Variants in PLPPR1 observed in about 807,000 individuals in gnomAD.
PLPPR1 encodes phospholipid phosphatase-related protein type 1.
A neutral mutation model predicts 33.1 loss-of-function variants in PLPPR1; 10 were observed. That is an observed-to-expected ratio of 0.30 (90% CI 0.19 to 0.51). The LOEUF is 0.51. PLPPR1 is among the 20% of genes least tolerant of loss of function. The probability of loss-of-function intolerance (pLI) is 0.97; values close to 1 mark genes in which losing one functional copy is unlikely to be tolerated. For missense variants in PLPPR1, 304 were observed against 408.1 expected (o/e 0.74, Z 2.20); for synonymous variants, 151 against 151.0 (o/e 1.00, Z 0.00).
At chr9:101,221,935 A>C (rs1826951167) in intron 2 of PLPPR1, among the ~76,000 whole-genome samples, 1 of 152,222 alleles carries the variant, frequency 6.6e-6, no homozygotes, top group African/African-American at 2.4e-5. Flanking sequence ...AAAATAGGAA[A>C]AAGAAATTCC....
At chr9:101,289,827 T>C (rs1474270813) in intron 4 of PLPPR1, among the ~76,000 whole-genome samples, 3 of 152,234 alleles carry the variant, frequency 2.0e-5, no homozygotes, top group Non-Finnish European at 4.4e-5. Context: ...TTTATTAGGG[T>C]GAATGAAAAG....
intron 1 of PLPPR1, among the ~76,000 whole-genome samples, chr9:101,180,134 A>G (rs1396453787): frequency 1.9e-5 from 1 of 51,452 alleles, no homozygotes; most frequent in Admixed American, 1.9e-4. Context: ...ATATATATAT[A>G]TATATATATA....
At chr9:101,266,001 A>C (rs1387681925) in intron 2 of PLPPR1, among the ~76,000 whole-genome samples, 6 of 152,050 alleles carry the variant, frequency 3.9e-5, no homozygotes, top group Non-Finnish European at 8.8e-5. Context: ...GCCTCAAAAA[A>C]AAAAGGTCAC....
At chr9:101,148,335 A>G (rs1210444308) in intron 1 of PLPPR1, among the ~76,000 whole-genome samples, 1 of 152,190 alleles carries the variant, frequency 6.6e-6, no homozygotes, top group Admixed American at 6.5e-5. Flanking sequence ...CAATGAAACT[A>G]CATATACAAC....
At position 101,185,520 on chromosome 9, in the gene PLPPR1, G is replaced by A. The variant is rs200860367; in HGVS notation, c.26G>A (p.Arg9Gln). The change falls in exon 2 of 8, where the codon CGA (arginine) becomes CAA (glutamine). Residue 9 changes from arginine (R) to glutamine (Q), a missense_variant. Transcript: ENST00000374874. Reference protein sequence around the residue: MAVGNNTQRSYSIIPCFIF... With the variant: MAVGNNTQQSYSIIPCFIF... The stretch of plus-strand genomic sequence containing the variant: ...ATGGCTGTAGGAAACAACACTCAAC[G>A]AAGTTATTCCATCATCCCGTGTTTT... 23 of 1,609,890 alleles carry A rather than the reference G, an allele frequency of 1.4e-5. No homozygotes were observed. Among genetic ancestry groups the A allele is most frequent in the Non-Finnish European group, 1.9e-5 (22 of 1,177,406 alleles).
At chr9:101,155,507 T>C (rs1176611532) in intron 1 of PLPPR1, among the ~76,000 whole-genome samples, 1 of 152,074 alleles carries the variant, frequency 6.6e-6, no homozygotes, top group Non-Finnish European at 1.5e-5. Flanking sequence ...ATTAATCCAT[T>C]CACAAGGGCA....
intron 1 of PLPPR1, among the ~76,000 whole-genome samples, chr9:101,029,683 G>A (rs1163314903): frequency 6.6e-6 from 1 of 152,162 alleles, no homozygotes; most frequent in African/African-American, 2.4e-5. Flanking sequence ...CTTTCTCATC[G>A]AGCTCCGGTG....
chr9:101,167,141 GGTGTGTGT>G (rs756843224), intron 1 of PLPPR1, among the ~76,000 whole-genome samples: 45 of 39,740 alleles, frequency 1.1e-3, no homozygotes, highest in African/African-American at 2.2e-3. Flanking sequence ...TATGTCTCTC[GGTGTGTGT>G]GTGTGTGTGT....
intron 4 of PLPPR1, among the ~76,000 whole-genome samples, chr9:101,293,191 C>G (rs1332786915): frequency 3.3e-5 from 5 of 151,210 alleles, no homozygotes; most frequent in Admixed American, 2.6e-4. Flanking sequence ...CAACAAAGAT[C>G]AAAAGAGACA....
At chr9:101,064,609 T>G (rs1830387278) in intron 1 of PLPPR1, among the ~76,000 whole-genome samples, 1 of 152,034 alleles carries the variant, frequency 6.6e-6, no homozygotes, top group South Asian at 2.1e-4. Flanking sequence ...ACAAAAGCCC[T>G]CCTGGTCCAA....
In PLPPR1 at chr9:101,167,141, GGTGTGT is replaced by G. The variant is rs756843224; in HGVS notation, c.-45-18272_-45-18267del. Reference sequence around the variant, plus strand: ...TGCTGTCTCTGTCTTTATGTCTCTCGGTGTGTGTGTGTGTGTGTGTGTGTGTGTGTG... The same window carrying G: ...TGCTGTCTCTGTCTTTATGTCTCTCGGTGTGTGTGTGTGTGTGTGTGTGTG... On this transcript the variant is annotated intron_variant, in intron 1 of 7. Coordinates refer to ENST00000374874, the MANE Select transcript of PLPPR1 (RefSeq NM_207299.2). Among the ~76,000 whole-genome samples, 159 of 39,736 alleles carry G rather than the reference GGTGTGT, an allele frequency of 4.0e-3. 1 individual carries two copies. The highest frequency in any genetic ancestry group is 0.012 in the East Asian group (16 of 1,382). The allele number at this position is 39,736 out of a possible 152,430, so 26.1% of individuals were successfully genotyped here.
intron 1 of PLPPR1, among the ~76,000 whole-genome samples, chr9:101,150,938 T>C (rs1373910107): frequency 6.6e-6 from 1 of 152,166 alleles, no homozygotes; most frequent in Non-Finnish European, 1.5e-5. Flanking sequence ...GAGGCATACA[T>C]GTTCACTCTT....
chr9:101,063,604 G>A (rs1426417111), intron 1 of PLPPR1, among the ~76,000 whole-genome samples: 2 of 152,042 alleles, frequency 1.3e-5, no homozygotes, highest in Non-Finnish European at 2.9e-5. Context: ...CACGTATTAA[G>A]CTCCATCCAC....
At chr9:101,323,471 A>G (rs1389072106) in intron 7 of PLPPR1, among the ~76,000 whole-genome samples, 9 of 72,492 alleles carry the variant, frequency 1.2e-4, no homozygotes, top group Admixed American at 1.4e-4. Flanking sequence ...CCCTGTCTCA[A>G]AAAAAAAAAA....
chr9:101,199,319 C>T (rs1031252183), intron 2 of PLPPR1, among the ~76,000 whole-genome samples: 1 of 152,176 alleles, frequency 6.6e-6, no homozygotes, highest in African/African-American at 2.4e-5. Context: ...AACTTTGATA[C>T]TTTGCAAAGC....
chr9:101,301,391 G>A (rs958159562), intron 4 of PLPPR1, among the ~76,000 whole-genome samples: 6 of 152,014 alleles, frequency 3.9e-5, no homozygotes, highest in Non-Finnish European at 5.9e-5. Context: ...ATCAATAAAG[G>A]GCTCACAATT....
chr9:101,098,302 A>C (rs749854226), intron 1 of PLPPR1, among the ~76,000 whole-genome samples: 1 of 150,794 alleles, frequency 6.6e-6, no homozygotes, highest in African/African-American at 2.5e-5. Flanking sequence ...GGTCATGAGT[A>C]TCAGGTAGAA....
In PLPPR1 at chr9:101,066,246, G is replaced by A. The variant is rs573810125; in HGVS notation, c.-46+37144G>A. Among the ~76,000 whole-genome samples, 150 of 152,122 alleles carry A rather than the reference G, an allele frequency of 9.9e-4. 1 individual carries two copies. The highest frequency in any genetic ancestry group is 3.4e-3 in the African/African-American group (143 of 41,528). Reference sequence around the variant, plus strand: ...CTTATGGATTTGGGGGATGAAAATAGTCTGTTCTACCCATGTCTCATATCA... The same window carrying A: ...CTTATGGATTTGGGGGATGAAAATAATCTGTTCTACCCATGTCTCATATCA... On this transcript the variant is annotated intron_variant, in intron 1 of 7. Transcript: ENST00000374874.
At chr9:101,208,305 AG>A (rs1466682334) in intron 2 of PLPPR1, among the ~76,000 whole-genome samples, 1 of 8,138 alleles carries the variant, frequency 1.2e-4, no homozygotes, top group Non-Finnish European at 1.8e-4. Context: ...GTTGTCACAC[AG>A]TGATTAAAGT....
Sources: allele counts gnomAD v4.1 joint callset (sites outside exome capture counted in the v4.1 genomes callset), GRCh38; gene constraint gnomAD v4.1.1; transcripts MANE v1.5; gene names NCBI Gene and HGNC (gene_info 2026-07-23, HGNC 2026-07-21).